The following CELSR1 variants were observed in gnomAD, a reference collection of about 807,000 sequenced individuals.
CELSR1 encodes the protein adhesion G protein-coupled receptor C1.
Under a neutral mutation model 249.1 loss-of-function variants are expected in CELSR1, and 110 were observed. The ratio of observed to expected loss-of-function variants is 0.44; its 90% CI spans 0.38 to 0.52. The LOEUF is 0.52. Ranked by LOEUF, CELSR1 falls within the 20% of genes least tolerant of loss-of-function variation. The pLI is 0.00. For synonymous variants in CELSR1, 2,113 were observed against 1,900.0 expected, an observed-to-expected ratio of 1.11 and a Z score of -2.92; for missense variants, 4,109 against 4,296.4, an observed-to-expected ratio of 0.96 and a Z score of 1.22.
At position 46,534,256 on chromosome 22, in the gene CELSR1, T is replaced by C; in HGVS notation, c.2915A>G (p.Asp972Gly). The change falls in exon 1 of 35, where the codon GAT becomes GGT. Residue 972 changes from aspartate to glycine, a missense_variant. Asp to Gly is a moderately conservative substitution (Grantham distance 94). This residue lies in a region of CELSR1 where 886 missense variants were observed against 896.5 expected (regional missense o/e 0.99). Coordinates refer to ENST00000674500, the MANE Select transcript of CELSR1 (RefSeq NM_001378328.1). This position sits in a 1 kb window ranked among gnomAD's most constrained non-coding sequence, Gnocchi z 9.7. ...AVYNLWALAV[D>G]RGSPTPLSAS... is the part of the protein sequence containing the mutation. Reference sequence around the variant, plus strand: ...GCTAAGGGGAGTGGGACTGCCCCGATCCACAGCCAGAGCCCAAAGGTTGTA... The same window carrying C: ...GCTAAGGGGAGTGGGACTGCCCCGACCCACAGCCAGAGCCCAAAGGTTGTA... 2 of 1,613,452 alleles carry C rather than the reference T, an allele frequency of 1.2e-6. No individual in the cohort carries two copies. The highest frequency in any genetic ancestry group is 1.7e-6 in the Non-Finnish European group (2 of 1,180,016).
chr22:46,531,911 C>T (rs190757687), intron 1 of CELSR1, among the ~76,000 whole-genome samples: 85 of 152,052 alleles, frequency 5.6e-4, no homozygotes, highest in African/African-American at 1.8e-3. Flanking sequence ...CACGAGAGTA[C>T]GAGTGTGTCC....
chr22:46,501,020 A>AT (rs2080461023), intron 1 of CELSR1, among the ~76,000 whole-genome samples: 1 of 138,078 alleles, frequency 7.2e-6, no homozygotes, highest in Admixed American at 6.8e-5. Flanking sequence ...ATTTTATTTT[A>AT]TTTTTTATTT....
chr22:46,501,204 T>A (rs958609326), intron 1 of CELSR1, among the ~76,000 whole-genome samples: 2 of 45,290 alleles, frequency 4.4e-5, no homozygotes, highest in African/African-American at 1.1e-4. Flanking sequence ...GGCTAATTTT[T>A]TTTTTTTTTT....
Position 46,407,869 on chromosome 22 carries a change from G to A in CELSR1, c.5226+1127C>T, listed in dbSNP as rs1296244759. Among the ~76,000 whole-genome samples, 4 of 152,208 alleles carry A rather than the reference G, an allele frequency of 2.6e-5. No homozygotes were observed. In the East Asian group the frequency reaches 7.7e-4, roughly 29 times the overall value. The stretch of plus-strand genomic sequence containing the variant: ...CTGATCAGAAAGGGTCACAGCAGCT[G>A]GGTTTACAGGAGAGCGCCCGTGCCC... On this transcript the variant is annotated intron_variant, in intron 9 of 34. Coordinates refer to ENST00000674500, the MANE Select transcript of CELSR1 (RefSeq NM_001378328.1). This position sits in a 1 kb window ranked among gnomAD's most constrained non-coding sequence, Gnocchi z 4.8.
intron 1 of CELSR1, among the ~76,000 whole-genome samples, chr22:46,532,865 G>A (rs551415880): frequency 4.7e-4 from 72 of 152,236 alleles, no homozygotes; most frequent in Middle Eastern, 3.4e-3. Flanking sequence ...CAGGGTCAGA[G>A]GCATAGAGGA....
intron 3 of CELSR1, among the ~76,000 whole-genome samples, chr22:46,438,871 T>C (rs1165788455): frequency 6.6e-6 from 1 of 152,178 alleles, no homozygotes; most frequent in Non-Finnish European, 1.5e-5. Context: ...GGTTCTCTTG[T>C]CTCAGCCTCC....
intron 1 of CELSR1, among the ~76,000 whole-genome samples, chr22:46,486,228 C>G (rs1055481802): frequency 6.6e-6 from 1 of 150,978 alleles, no homozygotes; most frequent in Non-Finnish European, 1.5e-5. Flanking sequence ...AGTGAGCCAC[C>G]GCGCCCGGCC....
In CELSR1 at chr22:46,464,925, C is replaced by T. The variant is rs1480471281; in HGVS notation, c.3545-580G>A. Reference sequence around the variant, plus strand: ...GCTGTGCTGAGGGTCCCACTTAGCTCGGCTGTACCCCACGCAACTCCACAT... The same window carrying T: ...GCTGTGCTGAGGGTCCCACTTAGCTTGGCTGTACCCCACGCAACTCCACAT... On this transcript the variant is annotated intron_variant, in intron 1 of 34. Coordinates refer to ENST00000674500, the MANE Select transcript of CELSR1 (RefSeq NM_001378328.1). The surrounding 1 kb of genome is among the most constrained non-coding windows in gnomAD (Gnocchi z 8.5). Among the ~76,000 whole-genome samples, 2 of 152,144 alleles carry T rather than the reference C, an allele frequency of 1.3e-5. No individual in the cohort carries two copies. The highest frequency in any genetic ancestry group is 2.1e-4 in the South Asian group (1 of 4,824).
chr22:46,397,695 A>C lies in CELSR1; in HGVS notation c.5680T>G (p.Tyr1894Asp). The C allele has an allele frequency of 6.4e-7, 1 of 1,551,896 alleles. No homozygotes were observed. Among genetic ancestry groups the C allele is most frequent in the Non-Finnish European group, 8.7e-7 (1 of 1,145,344 alleles). The change falls in exon 12 of 35, where the codon TAC (tyrosine) becomes GAC (aspartate). Residue 1894 changes from tyrosine to aspartate, a missense_variant. Around this residue, in one of 7 missense-constraint regions of CELSR1, gnomAD observed 1,805 missense variants for 1,831.6 expected, o/e 0.99. Coordinates refer to ENST00000674500, the MANE Select transcript of CELSR1 (RefSeq NM_001378328.1). ...NSRCHDAWED[Y>D]SCVCDKGYLG... ...CCACCTTTGTCACAGACGCAGCTGT[A>C]GTCCTCCCAGGCGTCGTGGCAGCGG...
At chr22:46,494,453 T>G (rs1275534980) in intron 1 of CELSR1, among the ~76,000 whole-genome samples, 1 of 152,088 alleles carries the variant, frequency 6.6e-6, no homozygotes, top group Non-Finnish European at 1.5e-5. Context: ...TAACATTGAG[T>G]CTTCTAATCC....
rs905818307 is a variant in CELSR1 at position 46,506,059 on chromosome 22, A to C, written c.3544+27568T>G. On this transcript the variant is annotated intron_variant, in intron 1 of 34. Coordinates refer to ENST00000674500, the MANE Select transcript of CELSR1 (RefSeq NM_001378328.1). This position sits in a 1 kb window ranked among gnomAD's most constrained non-coding sequence, Gnocchi z 4.1. ...CAGGGCATGGTGGCAGGCACCTGTA[A>C]TCCCAGCTACTCGGGAGGCTGAGGC... Among the ~76,000 whole-genome samples the C allele has an allele frequency of 1.8e-4, 28 of 151,426 alleles. No homozygotes were observed. The highest frequency in any genetic ancestry group is 3.7e-4 in the Non-Finnish European group (25 of 67,864).
rs2079291382 is a variant in CELSR1, at chr22:46,408,425, A to C, written c.5226+571T>G. Among the ~76,000 whole-genome samples, 1 of 152,138 alleles carries C rather than the reference A, an allele frequency of 6.6e-6. No homozygotes were observed. Among genetic ancestry groups the C allele is most frequent in the African/African-American group, 2.4e-5 (1 of 41,420 alleles). On this transcript the variant is annotated intron_variant, in intron 9 of 34. Transcript: ENST00000674500. This position sits in a 1 kb window ranked among gnomAD's most constrained non-coding sequence, Gnocchi z 4.6. ...CGGGTCACTGCAACCTCCGCCTTCCAGATTCAAGTGATTCCCCTGCCTCAG... is the reference window on the plus strand; with the variant it reads ...CGGGTCACTGCAACCTCCGCCTTCCCGATTCAAGTGATTCCCCTGCCTCAG...
Position 46,534,708 on chromosome 22 carries a change from A to T in CELSR1, c.2463T>A (p.Asn821Lys). The change falls in exon 1 of 35, where the codon AAT (asparagine) becomes AAA (lysine). Residue 821 changes from asparagine to lysine, a missense_variant. By Grantham distance (94) the Asn-to-Lys change is moderately conservative. Around this residue, in one of 7 missense-constraint regions of CELSR1, gnomAD observed 886 missense variants for 896.5 expected, o/e 0.99. Coordinates refer to ENST00000674500, the MANE Select transcript of CELSR1 (RefSeq NM_001378328.1). The surrounding 1 kb of genome is among the most constrained non-coding windows in gnomAD (Gnocchi z 9.7). ...LSANDEDTGE[N>K]ARITYVIQDP... ...CCTGAATCACGTAGGTGATGCGGGC[A>T]TTCTCTCCTGTGTCCTCATCGTTGG... is the stretch of plus-strand genomic sequence containing the variant. 6.2e-7 allele frequency: 1 copy of T among 1,613,460 alleles called. No homozygotes were observed. The highest frequency in any genetic ancestry group is 2.2e-5 in the East Asian group (1 of 44,870).
intron 5 of CELSR1, among the ~76,000 whole-genome samples, chr22:46,424,228 C>T (rs1057260644): frequency 6.8e-5 from 7 of 103,234 alleles, no homozygotes; most frequent in South Asian, 4.1e-4. Context: ...ACCACACACC[C>T]GGCTAATTTT....
At chr22:46,511,663 C>T (rs2080575224) in intron 1 of CELSR1, among the ~76,000 whole-genome samples, 1 of 152,316 alleles carries the variant, frequency 6.6e-6, no homozygotes, top group South Asian at 2.1e-4. Context: ...CACAATGCCA[C>T]ACTCCCCTGG....
At chr22:46,369,924 G>A (rs2078832652) in intron 25 of CELSR1, 120 bp from the exon 26 acceptor site, 7 of 840,122 alleles carry the variant, frequency 8.3e-6, no homozygotes, top group Non-Finnish European at 1.4e-5. Flanking sequence ...TCAGAGGAAG[G>A]AGCAAGGAGT....
intron 1 of CELSR1, among the ~76,000 whole-genome samples, chr22:46,480,254 A>T (rs906409561): frequency 6.6e-6 from 1 of 152,152 alleles, no homozygotes; most frequent in Admixed American, 6.5e-5. Flanking sequence ...ATGTTTTTGC[A>T]TGGTCTCCAA....
intron 1 of CELSR1, among the ~76,000 whole-genome samples, chr22:46,502,672 C>T (rs2080478339): frequency 6.6e-6 from 1 of 152,144 alleles, no homozygotes; most frequent in African/African-American, 2.4e-5. Context: ...GGTCTCACCA[C>T]CCCACTGTCA....
intron 5 of CELSR1, among the ~76,000 whole-genome samples, chr22:46,419,466 G>A (rs1031920342): frequency 6.6e-6 from 1 of 152,092 alleles, no homozygotes; most frequent in Non-Finnish European, 1.5e-5. Flanking sequence ...CCTGACAAGC[G>A]GGACAAGGAG....
Sources: allele counts gnomAD v4.1 joint callset (sites outside exome capture counted in the v4.1 genomes callset), GRCh38; gene constraint gnomAD v4.1.1; regional missense constraint gnomAD v4.1.1; non-coding constraint Gnocchi (gnomAD v3.1); transcripts MANE v1.5; gene names NCBI Gene and HGNC (gene_info 2026-07-23, HGNC 2026-07-21).